Variants in SCFD2 observed in about 807,000 individuals in gnomAD.
SCFD2 encodes the protein sec1 family domain-containing protein 2.
Under a neutral mutation model 58.9 loss-of-function variants are expected in SCFD2, and 54 were observed. The observed-to-expected ratio is 0.92, with a 90% CI of 0.74 to 1.15. The LOEUF (loss-of-function observed/expected upper bound fraction) is 1.15, where lower values mean the gene tolerates loss of function less well. Among genes scored for constraint, SCFD2 ranks in the 50% most tolerant of loss-of-function variants. The pLI is 0.00. For missense variants in SCFD2, 805 were observed against 836.6 expected (o/e 0.96, Z 0.47); for synonymous variants, 321 against 335.9 (o/e 0.96, Z 0.49).
At chr4:52,970,250 G>T (rs574598181) in intron 5 of SCFD2, among the ~76,000 whole-genome samples, 9 of 152,348 alleles carry the variant, frequency 5.9e-5, no homozygotes, top group Non-Finnish European at 1.3e-4. Flanking sequence ...CAAGGGGTCA[G>T]GGAATTCCCT....
chr4:53,271,076 T>G (rs1448792696), intron 4 of SCFD2, among the ~76,000 whole-genome samples: 1 of 152,070 alleles, frequency 6.6e-6, no homozygotes, highest in Non-Finnish European at 1.5e-5. Context: ...AAATACATAA[T>G]GAAGAAATAA....
At chr4:53,261,598 T>A (rs1730830708) in intron 4 of SCFD2, among the ~76,000 whole-genome samples, 1 of 152,218 alleles carries the variant, frequency 6.6e-6, no homozygotes, top group African/African-American at 2.4e-5. Context: ...TCTACTATAA[T>A]TTATATTTTC....
At chr4:53,089,785 T>A (rs1724418944) in intron 5 of SCFD2, among the ~76,000 whole-genome samples, 1 of 152,192 alleles carries the variant, frequency 6.6e-6, no homozygotes, top group African/African-American at 2.4e-5. Context: ...AGAATTTCTA[T>A]ATTCTTAAAT....
At chr4:53,354,282 G>A (rs1734334687) in intron 1 of SCFD2, among the ~76,000 whole-genome samples, 1 of 152,232 alleles carries the variant, frequency 6.6e-6, no homozygotes, top group South Asian at 2.1e-4. Context: ...TGGGTGGGCT[G>A]GGAGTGCTGG....
At chr4:53,361,733 A>T (rs1734554002) in intron 1 of SCFD2, among the ~76,000 whole-genome samples, 1 of 152,212 alleles carries the variant, frequency 6.6e-6, no homozygotes, top group African/African-American at 2.4e-5. Flanking sequence ...TGACTAGCTA[A>T]TATCATTATT....
At chr4:52,940,954 C>T (rs1189044852) in intron 5 of SCFD2, among the ~76,000 whole-genome samples, 1 of 152,166 alleles carries the variant, frequency 6.6e-6, no homozygotes, top group African/African-American at 2.4e-5. Context: ...CTCTCCTTCT[C>T]TCTGATATAT....
At chr4:53,239,453 AG>A in intron 4 of SCFD2, among the ~76,000 whole-genome samples, 2 of 150,396 alleles carry the variant, frequency 1.3e-5, no homozygotes, top group South Asian at 4.2e-4. Flanking sequence ...AGGGAGAGGG[AG>A]AGGGAGAGAG....
intron 3 of SCFD2, among the ~76,000 whole-genome samples, chr4:53,307,486 C>A (rs961470686): frequency 2.0e-5 from 3 of 152,156 alleles, no homozygotes; most frequent in Non-Finnish European, 4.4e-5. Context: ...TGTATCCTTG[C>A]TTACTTGCTA....
intron 5 of SCFD2, among the ~76,000 whole-genome samples, chr4:53,011,265 C>A (rs997049768): frequency 2.0e-5 from 3 of 152,024 alleles, no homozygotes; most frequent in Non-Finnish European, 2.9e-5. Context: ...TTTTTTCCCC[C>A]CCAAAGAAGT....
intron 5 of SCFD2, among the ~76,000 whole-genome samples, chr4:53,130,711 A>G (rs1203148208): frequency 1.1e-4 from 17 of 152,208 alleles, no homozygotes; most frequent in Non-Finnish European, 1.9e-4. Flanking sequence ...AACCTCTGGA[A>G]GAAAAAACCC....
chr4:52,888,249 T>C (rs981386657), intron 7 of SCFD2, among the ~76,000 whole-genome samples: 27 of 152,076 alleles, frequency 1.8e-4, no homozygotes, highest in Non-Finnish European at 3.1e-4. Flanking sequence ...CCTTGGCTTC[T>C]GAAGAGGAAA....
chr4:53,265,752 A>G (rs1382400249), intron 4 of SCFD2, among the ~76,000 whole-genome samples: 1 of 151,912 alleles, frequency 6.6e-6, no homozygotes, highest in Non-Finnish European at 1.5e-5. Flanking sequence ...CCTTTTATTT[A>G]TTTATTTATT....
intron 4 of SCFD2, among the ~76,000 whole-genome samples, chr4:53,151,383 CT>C (rs1726500488): frequency 6.6e-6 from 1 of 152,156 alleles, no homozygotes; most frequent in African/African-American, 2.4e-5. Flanking sequence ...GTGACAAAAC[CT>C]TTTGTTTATC....
At position 53,039,007 on chromosome 4, in the gene SCFD2, G is replaced by A. The variant is rs115492182; in HGVS notation, c.1561+106326C>T. On this transcript the variant is annotated intron_variant, in intron 5 of 8. Coordinates refer to ENST00000401642, the MANE Select transcript of SCFD2 (RefSeq NM_152540.4). The stretch of plus-strand genomic sequence containing the variant: ...GCCTAGCCTAAAGTATTTTAATACC[G>A]ACAAAAATATTTCCTTAAACAGGAT... Among the ~76,000 whole-genome samples, 1,164 of 152,086 alleles carry A rather than the reference G, an allele frequency of 7.7e-3. 12 individuals are homozygous for A. The highest frequency in any genetic ancestry group is 0.017 in the Middle Eastern group (5 of 294).
At chr4:53,096,654 T>A (rs1183276873) in intron 5 of SCFD2, among the ~76,000 whole-genome samples, 1 of 152,104 alleles carries the variant, frequency 6.6e-6, no homozygotes. Flanking sequence ...TTTTCTCCCA[T>A]TCTGTAGGTT....
At chr4:53,299,905 T>A (rs946457185) in intron 3 of SCFD2, among the ~76,000 whole-genome samples, 1 of 152,086 alleles carries the variant, frequency 6.6e-6, no homozygotes, top group African/African-American at 2.4e-5. Flanking sequence ...GCTGAGAGAT[T>A]TTTGTCACCA....
At position 53,194,040 on chromosome 4, in the gene SCFD2, T is replaced by C. The variant is rs1478643358; in HGVS notation, c.1312-48458A>G. Among the ~76,000 whole-genome samples, 4 of 152,232 alleles carry C rather than the reference T, an allele frequency of 2.6e-5. No homozygotes were observed. The East Asian group carries it at 7.7e-4, about 29-fold the overall frequency. On this transcript the variant is annotated intron_variant, in intron 4 of 8. Transcript: ENST00000401642. ...AAATCACTTTTTTAGCACTTTCTAT[T>C]GGCTTCCTACTATGATGGATTAGAA...
At chr4:53,055,290 A>G (rs999342275) in intron 5 of SCFD2, among the ~76,000 whole-genome samples, 7 of 152,140 alleles carry the variant, frequency 4.6e-5, no homozygotes, top group African/African-American at 1.7e-4. Flanking sequence ...ATCCAGGCCC[A>G]TGAGATTCCA....
intron 5 of SCFD2, among the ~76,000 whole-genome samples, chr4:52,947,931 A>G (rs1720479192): frequency 6.7e-6 from 1 of 150,246 alleles, no homozygotes. Flanking sequence ...AAGAAAATCA[A>G]TTGGAAAAAT....
Sources: gnomAD v4.1 joint callset for allele counts (sites outside exome capture counted in the v4.1 genomes callset) on GRCh38, gnomAD v4.1.1 for gene constraint, MANE v1.5 for transcripts, NCBI Gene and HGNC (gene_info 2026-07-23, HGNC 2026-07-21) for gene names.